B4GALT5: variants seen among roughly 807,000 people sequenced by gnomAD.
B4GALT5 encodes the protein beta-1,4-galactosyltransferase 5.
In B4GALT5, 11 loss-of-function variants were observed where a neutral mutation model predicts 45.0. That is an observed-to-expected ratio of 0.24 (90% confidence interval 0.15 to 0.40). B4GALT5 has a LOEUF of 0.40. B4GALT5 is among the 10% of genes least tolerant of loss of function. B4GALT5 has a pLI of 1.00. For missense variants in B4GALT5, 337 were observed against 500.2 expected (o/e 0.67, Z 3.11); for synonymous variants, 185 against 182.9 (o/e 1.01, Z -0.09).
At chr20:49,687,620 G>T (rs950037185) in intron 1 of B4GALT5, among the ~76,000 whole-genome samples, 4 of 151,662 alleles carry the variant, frequency 2.6e-5, no homozygotes, top group African/African-American at 9.7e-5. Context: ...CTCCAGCCTG[G>T]GTAACAGAGC....
intron 1 of B4GALT5, among the ~76,000 whole-genome samples, chr20:49,670,380 G>A (rs2085710585): frequency 6.6e-6 from 1 of 152,152 alleles, no homozygotes; most frequent in South Asian, 2.1e-4. Flanking sequence ...ACAGTGATGT[G>A]AGATGACCTT....
intron 1 of B4GALT5, among the ~76,000 whole-genome samples, chr20:49,707,065 G>C (rs1343511802): frequency 6.6e-6 from 1 of 152,050 alleles, no homozygotes; most frequent in African/African-American, 2.4e-5. Flanking sequence ...AGTTGATGCT[G>C]GAACAGAATC....
At chr20:49,708,767 G>A (rs1050316574) in intron 1 of B4GALT5, among the ~76,000 whole-genome samples, 1 of 151,942 alleles carries the variant, frequency 6.6e-6, no homozygotes, top group African/African-American at 2.4e-5. Flanking sequence ...CCAACATGGT[G>A]AAACCCCATC....
chr20:49,706,365 C>A (rs2085883845), intron 1 of B4GALT5, among the ~76,000 whole-genome samples: 1 of 152,152 alleles, frequency 6.6e-6, no homozygotes, highest in African/African-American at 2.4e-5. Flanking sequence ...GAACCCAGAT[C>A]TCTTTTCAAC....
At chr20:49,682,210 A>C (rs2085766953) in intron 1 of B4GALT5, among the ~76,000 whole-genome samples, 1 of 152,230 alleles carries the variant, frequency 6.6e-6, no homozygotes, top group African/African-American at 2.4e-5. Flanking sequence ...GTGGTGGGTG[A>C]ATCCTGCCCA....
chr20:49,670,047 A>G (rs535423472), intron 1 of B4GALT5, among the ~76,000 whole-genome samples: 1 of 152,328 alleles, frequency 6.6e-6, no homozygotes, highest in African/African-American at 2.4e-5. Context: ...CAAAATCAAC[A>G]ACCAGCAGCT....
chr20:49,648,277 G>A (rs1382390622), intron 2 of B4GALT5, among the ~76,000 whole-genome samples: 2 of 152,120 alleles, frequency 1.3e-5, no homozygotes. Context: ...GAAAGAGGCT[G>A]GGGCATATGT....
chr20:49,644,861 T>A (rs2085592568), intron 3 of B4GALT5, among the ~76,000 whole-genome samples: 1 of 152,216 alleles, frequency 6.6e-6, no homozygotes, highest in African/African-American at 2.4e-5. Context: ...ATTTTCACTA[T>A]ATTTGTGCAT....
At chr20:49,687,776 T>C (rs1157290372) in intron 1 of B4GALT5, among the ~76,000 whole-genome samples, 1 of 152,112 alleles carries the variant, frequency 6.6e-6, no homozygotes, top group South Asian at 2.1e-4. Context: ...ACAATGCACA[T>C]GTGCAAGATT....
At position 49,647,082 on chromosome 20, in the gene B4GALT5, G is replaced by T; in HGVS notation, c.251-4C>A. ...TGGTTCAAGTCAAGAGGATAATCTA[G>T]GGAGGTAAAGGAAAAAAGTCGATCA... On this transcript the variant is annotated splice_polypyrimidine_tract_variant and splice_region_variant and intron_variant, in intron 2 of 8. Transcript: ENST00000371711. 1 of 1,601,444 alleles carries T rather than the reference G, an allele frequency of 6.2e-7. No homozygotes were observed. Among genetic ancestry groups the T allele is most frequent in the Non-Finnish European group, 8.5e-7 (1 of 1,170,104 alleles).
At chr20:49,675,665 T>C (rs12481645) in intron 1 of B4GALT5, among the ~76,000 whole-genome samples, 3,155 of 152,276 alleles carry the variant, frequency 0.021, 208 homozygotes, top group Admixed American at 0.12. Context: ...TCTTTGTAGG[T>C]TGTCGGGTTT....
At chr20:49,656,832 C>A (rs934968104) in intron 1 of B4GALT5, 130 bp from the exon 2 acceptor site, 2 of 1,178,334 alleles carry the variant, frequency 1.7e-6, no homozygotes, top group African/African-American at 1.5e-5. Flanking sequence ...TAAAACCCTA[C>A]ATGACCATAA....
chr20:49,676,772 G>C (rs1260363679), intron 1 of B4GALT5, among the ~76,000 whole-genome samples: 1 of 152,206 alleles, frequency 6.6e-6, no homozygotes, highest in East Asian at 1.9e-4. Context: ...ATGAGGGCGG[G>C]GGGCACAGAA....
intron 1 of B4GALT5, among the ~76,000 whole-genome samples, chr20:49,710,400 T>TCC (rs2085902722): frequency 1.8e-5 from 1 of 57,042 alleles, no homozygotes; most frequent in Non-Finnish European, 3.8e-5. Flanking sequence ...TGTTATTTTC[T>TCC]CTCTCTTTTT....
At position 49,705,639 on chromosome 20, in the gene B4GALT5, A is replaced by AC. The variant is rs1258397111; in HGVS notation, c.115+7936dup. ...CAACGGGAAATCAGAACTTTAAAAG[A>AC]CAGTGTCTTTACTTGACAAAATGAT... On this transcript the variant is annotated intron_variant, in intron 1 of 8. Coordinates refer to ENST00000371711, the MANE Select transcript of B4GALT5 (RefSeq NM_004776.4). Among the ~76,000 whole-genome samples, 15 of 152,300 alleles carry AC rather than the reference A, an allele frequency of 9.8e-5. No individual in the cohort carries two copies. In the South Asian group the frequency reaches 3.1e-3, roughly 32 times the overall value.
chr20:49,683,410 T>TG (rs2085772378), intron 1 of B4GALT5, among the ~76,000 whole-genome samples: 1 of 131,794 alleles, frequency 7.6e-6, no homozygotes, highest in African/African-American at 2.6e-5. Context: ...TTTTTTTTTT[T>TG]GGAGATGGAG....
intron 1 of B4GALT5, among the ~76,000 whole-genome samples, chr20:49,704,059 A>G (rs2085874116): frequency 6.6e-6 from 1 of 152,196 alleles, no homozygotes; most frequent in African/African-American, 2.4e-5. Context: ...GCAAGACACA[A>G]CACAGTATTT....
chr20:49,704,536 G>A (rs370859504), intron 1 of B4GALT5, among the ~76,000 whole-genome samples: 5 of 151,508 alleles, frequency 3.3e-5, no homozygotes, highest in East Asian at 3.9e-4. Flanking sequence ...CGGCTAAAAC[G>A]GTGAAACCCC....
intron 1 of B4GALT5, among the ~76,000 whole-genome samples, chr20:49,661,178 C>A (rs1348748977): frequency 6.6e-6 from 1 of 152,132 alleles, no homozygotes; most frequent in African/African-American, 2.4e-5. Flanking sequence ...TTAGAGAAAT[C>A]AAAACCAGAG....
Sources: allele counts gnomAD v4.1 joint callset (sites outside exome capture counted in the v4.1 genomes callset), GRCh38; gene constraint gnomAD v4.1.1; transcripts MANE v1.5; gene names NCBI Gene and HGNC (gene_info 2026-07-23, HGNC 2026-07-21).